Variants in ZC3H12B observed in about 807,000 individuals in gnomAD.
ZC3H12B encodes zinc finger CCCH-type containing 12B.
ZC3H12B carries 7 observed loss-of-function variants against 43.9 expected under a neutral mutation model. The observed-to-expected ratio is 0.16, with a 90% CI of 0.09 to 0.30. ZC3H12B has a LOEUF of 0.30. Ranked by LOEUF, ZC3H12B falls within the 10% of genes least tolerant of loss-of-function variation. ZC3H12B has a pLI of 1.00. For missense variants in ZC3H12B, 475 were observed against 670.2 expected, an observed-to-expected ratio of 0.71 and a Z score of 3.22; for synonymous variants, 222 against 241.7, an observed-to-expected ratio of 0.92 and a Z score of 0.76.
intron 3 of ZC3H12B, among the ~76,000 whole-genome samples, chrX:65,478,717 A>T (rs1193398794): frequency 8.9e-6 from 1 of 112,434 alleles, no homozygotes; most frequent in Non-Finnish European, 1.9e-5. Flanking sequence ...AAAGCATTTG[A>T]CAACTTTGCT....
At chrX:65,133,837 G>A in the ZC3H12B span, among the ~76,000 whole-genome samples, 2 of 110,149 alleles carry the variant, frequency 1.8e-5, no homozygotes, top group African/African-American at 3.3e-5. Context: ...AAAGATTTGC[G>A]ATGAGTCACA....
At chrX:65,108,649 A>G in the ZC3H12B span, among the ~76,000 whole-genome samples, 1 of 111,115 alleles carries the variant, frequency 9.0e-6, no homozygotes, top group African/African-American at 3.3e-5. Flanking sequence ...TAAAAAAAAA[A>G]AAACTAAGTA....
At chrX:65,383,243 A>G (rs982030228) in intron 2 of ZC3H12B, among the ~76,000 whole-genome samples, 1 of 112,224 alleles carries the variant, frequency 8.9e-6, no homozygotes, top group Non-Finnish European at 1.9e-5. Flanking sequence ...TGGTACTGGT[A>G]CCAAAACAGA....
intron 3 of ZC3H12B, among the ~76,000 whole-genome samples, chrX:65,459,475 C>A (rs1174630043): frequency 1.8e-5 from 2 of 111,334 alleles, no homozygotes; most frequent in African/African-American, 3.3e-5. Flanking sequence ...ACTGGCAAAC[C>A]GAATCCAGCA....
At chrX:65,205,949 A>G in the ZC3H12B span, among the ~76,000 whole-genome samples, 1 of 111,891 alleles carries the variant, frequency 8.9e-6, no homozygotes, top group African/African-American at 3.2e-5. Context: ...ATACTTAGGA[A>G]TATACCTAAG....
At chrX:65,425,040 A>T (rs2067064039) in intron 3 of ZC3H12B, among the ~76,000 whole-genome samples, 1 of 111,991 alleles carries the variant, frequency 8.9e-6, no homozygotes, top group African/African-American at 3.2e-5. Context: ...CATTGACTCT[A>T]TAAAATGCTT....
chrX:65,374,031 TA>T (rs1287855474), intron 2 of ZC3H12B, among the ~76,000 whole-genome samples: 9 of 59,695 alleles, frequency 1.5e-4, no homozygotes, highest in African/African-American at 4.6e-4. Flanking sequence ...AGTATATATA[TA>T]ACTATATATA....
At chrX:65,107,910 C>T in the ZC3H12B span, among the ~76,000 whole-genome samples, 3 of 111,614 alleles carry the variant, frequency 2.7e-5, no homozygotes, top group Admixed American at 9.6e-5. Context: ...CACAACTAGA[C>T]TATATGGTAT....
chrX:65,311,266 C>T, the ZC3H12B span, among the ~76,000 whole-genome samples: 1 of 111,833 alleles, frequency 8.9e-6, no homozygotes, highest in Non-Finnish European at 1.9e-5. Context: ...GGGCTAATAT[C>T]CAGAATCTAA....
At chrX:65,463,456 A>C (rs2067778069) in intron 3 of ZC3H12B, among the ~76,000 whole-genome samples, 6 of 111,633 alleles carry the variant, frequency 5.4e-5, no homozygotes, top group Admixed American at 3.8e-4. Context: ...GGCTTTCAGA[A>C]AGTTTCTTAT....
the ZC3H12B span, among the ~76,000 whole-genome samples, chrX:65,340,032 A>T: frequency 1.8e-5 from 2 of 111,728 alleles, no homozygotes; most frequent in East Asian, 5.7e-4. Context: ...ATGGGCACAG[A>T]GCCCACCAGC....
rs775486802 is a variant in ZC3H12B at position 65,456,059 on chromosome X, A to G, written n.408-32587A>G. On this transcript the variant is annotated intron_variant and non_coding_transcript_variant, in intron 3 of 5. Transcript: ENST00000617377. ...TAAAGACCATCGAGGCTAGGAAGAA[A>G]CTGCATCAACTAACGAGCAAAATAA... Among the ~76,000 whole-genome samples, 17 of 111,868 alleles carry G rather than the reference A, an allele frequency of 1.5e-4. No homozygotes were observed. In the East Asian group the frequency reaches 3.9e-3, roughly 26 times the overall value.
chrX:65,165,401 G>C, the ZC3H12B span, among the ~76,000 whole-genome samples: 1 of 112,017 alleles, frequency 8.9e-6, no homozygotes, highest in Admixed American at 9.5e-5. Flanking sequence ...GCATGCATTA[G>C]GTATTTGTCC....
At chrX:65,182,109 G>A in the ZC3H12B span, among the ~76,000 whole-genome samples, 1 of 111,255 alleles carries the variant, frequency 9.0e-6, no homozygotes, top group African/African-American at 3.3e-5. Context: ...GCCTGGACAT[G>A]GATGAAGCTG....
At chrX:65,455,913 A>C (rs1049147285) in intron 3 of ZC3H12B, among the ~76,000 whole-genome samples, 24 of 112,006 alleles carry the variant, frequency 2.1e-4, no homozygotes, top group African/African-American at 7.2e-4. Context: ...AATCCTTTAC[A>C]GACAAGCAAA....
chrX:65,045,513 A>C, the ZC3H12B span, among the ~76,000 whole-genome samples: 1 of 112,179 alleles, frequency 8.9e-6, no homozygotes, highest in African/African-American at 3.2e-5. Context: ...TTATTGTTTT[A>C]GCATGAGATT....
the ZC3H12B span, among the ~76,000 whole-genome samples, chrX:65,264,631 A>G: frequency 8.9e-6 from 1 of 111,787 alleles, no homozygotes; most frequent in Non-Finnish European, 1.9e-5. Context: ...CCTGCCAACT[A>G]CTTGTGAAGA....
At chrX:65,092,563 A>G in the ZC3H12B span, among the ~76,000 whole-genome samples, 1 of 112,128 alleles carries the variant, frequency 8.9e-6, no homozygotes, top group East Asian at 2.8e-4. Flanking sequence ...TTTGTCATGT[A>G]TTAGCAAAGA....
the ZC3H12B span, among the ~76,000 whole-genome samples, chrX:65,253,816 C>T: frequency 8.9e-6 from 1 of 112,226 alleles, no homozygotes; most frequent in Non-Finnish European, 1.9e-5. Flanking sequence ...ACACTGGCAT[C>T]TTTCTCCCAC....
Sources: allele counts gnomAD v4.1 joint callset (sites outside exome capture counted in the v4.1 genomes callset), GRCh38; gene constraint gnomAD v4.1.1; transcripts MANE v1.5; gene names NCBI Gene and HGNC (gene_info 2026-07-23, HGNC 2026-07-21).